CDC42BPA: variants seen among roughly 807,000 people sequenced by gnomAD.
CDC42BPA encodes serine/threonine-protein kinase MRCK alpha.
Under a neutral mutation model 223.5 loss-of-function variants are expected in CDC42BPA, and 80 were observed. The observed-to-expected ratio is 0.36, with a 90% CI of 0.30 to 0.43. CDC42BPA has a LOEUF of 0.43. Ranked by LOEUF, CDC42BPA falls within the 20% of genes least tolerant of loss-of-function variation. The pLI is 1.00. For missense variants in CDC42BPA, 1,743 were observed against 2,099.9 expected (o/e 0.83, Z 3.32); for synonymous variants, 694 against 718.6 (o/e 0.97, Z 0.55).
chr1:227,198,458 G>A (rs28660200), intron 4 of CDC42BPA, among the ~76,000 whole-genome samples: 1,071 of 92,476 alleles, frequency 0.012, no homozygotes, highest in Middle Eastern at 0.037. Flanking sequence ...AAAAAGAAAA[G>A]AAAGAAAGAA....
At chr1:227,201,816 C>T (rs114101972) in intron 3 of CDC42BPA, among the ~76,000 whole-genome samples, 98 of 151,276 alleles carry the variant, frequency 6.5e-4, no homozygotes, top group African/African-American at 2.3e-3. Flanking sequence ...AACATCCTTC[C>T]GTATCAGTAC....
rs147493626 is a variant in CDC42BPA, at chr1:227,130,732, G to A, written c.1391-1501C>T. 5.5e-3 allele frequency among the ~76,000 whole-genome samples: 844 copies of A among 152,250 alleles called. 9 individuals are homozygous for A. The highest frequency in any genetic ancestry group is 0.019 in the African/African-American group (800 of 41,526). ...TAGCCACGCATGGTGGTGCATGCCT[G>A]TAATACCAGCTACTCGGGAGGCTGA... On this transcript the variant is annotated intron_variant, in intron 10 of 36. Coordinates refer to ENST00000366766, the MANE Select transcript of CDC42BPA (RefSeq NM_001394014.1).
rs570442692 is a variant in CDC42BPA, at chr1:226,992,465, C to T, written c.*1803G>A. On this transcript the variant is annotated 3_prime_UTR_variant, in exon 37 of 37. Coordinates refer to ENST00000366766, the MANE Select transcript of CDC42BPA (RefSeq NM_001394014.1). The stretch of plus-strand genomic sequence containing the variant: ...TCTCAGAACCTTCTCCACACAGCAG[C>T]ATCACCTGGAAACAGCCTCAGCTCC... 71 of 152,496 alleles carry T rather than the reference C, an allele frequency of 4.7e-4. No homozygotes were observed. Among genetic ancestry groups the T allele is most frequent in the African/African-American group, 1.7e-3 (69 of 41,576 alleles). The allele number at this position is 152,496 out of a possible 1,614,324, so 9.4% of individuals were successfully genotyped here. A position where few individuals can be genotyped will look rare whatever the true frequency, so the allele number is the denominator to read the frequency against.
intron 6 of CDC42BPA, among the ~76,000 whole-genome samples, chr1:227,152,882 T>A (rs1662039953): frequency 6.6e-6 from 1 of 151,992 alleles, no homozygotes; most frequent in African/African-American, 2.4e-5. Context: ...AAGGGATATA[T>A]CAGGCATATG....
intron 31 of CDC42BPA, among the ~76,000 whole-genome samples, chr1:227,023,650 A>C (rs971862496): frequency 6.6e-6 from 1 of 152,198 alleles, no homozygotes; most frequent in Non-Finnish European, 1.5e-5. Flanking sequence ...AGTTATACTA[A>C]GCAGATATCA....
At position 226,991,008 on chromosome 1, in the gene CDC42BPA, AATAC is replaced by A. The variant is rs1553284170; in HGVS notation, c.*3256_*3259del. ...ACTAAGTGTGTTGGGGATGTGTATA[AATAC>A]ATACATAATAACAAAAAATGTAAGA... On this transcript the variant is annotated 3_prime_UTR_variant, in exon 37 of 37. Coordinates refer to ENST00000366766, the MANE Select transcript of CDC42BPA (RefSeq NM_001394014.1). 5.9e-5 allele frequency: 9 copies of A among 152,608 alleles called. No homozygotes were observed. The highest frequency in any genetic ancestry group is 9.7e-5 in the African/African-American group (4 of 41,436). The allele number at this position is 152,608 out of a possible 1,614,324, so 9.5% of individuals were successfully genotyped here.
Position 227,145,521 on chromosome 1 carries a change from A to T in CDC42BPA, c.1111T>A (p.Phe371Ile). The change falls in exon 8 of 37, where the codon TTT becomes ATT. Residue 371 changes from phenylalanine to isoleucine, a missense_variant. Transcript: ENST00000366766. ...EVSSPTDTSN[F>I]DVDDDCLKNS... is the part of the protein sequence containing the mutation. Reference sequence around the variant, plus strand: ...TTTAAACAATCATCATCTACATCAAAATTCGATGTATCTGTTGGGCTACTA... The same window carrying T: ...TTTAAACAATCATCATCTACATCAATATTCGATGTATCTGTTGGGCTACTA... The T allele has an allele frequency of 6.2e-7, 1 of 1,613,454 alleles. No homozygotes were observed. The highest frequency in any genetic ancestry group is 8.5e-7 in the Non-Finnish European group (1 of 1,179,642).
intron 21 of CDC42BPA, among the ~76,000 whole-genome samples, chr1:227,066,576 T>C (rs942987450): frequency 2.0e-5 from 3 of 152,072 alleles, no homozygotes; most frequent in African/African-American, 7.2e-5. Context: ...ATGATAACTC[T>C]GGGAAGGGAG....
At chr1:227,048,636 G>T (rs6672902) in intron 22 of CDC42BPA, among the ~76,000 whole-genome samples, 19,487 of 150,688 alleles carry the variant, frequency 0.13, 1,333 homozygotes, top group East Asian at 0.26. Flanking sequence ...TGTAAAATAT[G>T]GTCTTCTTTT....
intron 3 of CDC42BPA, among the ~76,000 whole-genome samples, chr1:227,210,723 A>T (rs1007494053): frequency 7.9e-5 from 12 of 152,168 alleles, no homozygotes; most frequent in African/African-American, 2.9e-4. Context: ...AACTGACTAC[A>T]GTTGTTATTT....
intron 25 of CDC42BPA, 37 bp downstream of exon 25, chr1:227,035,434 T>C: frequency 6.6e-7 from 1 of 1,510,472 alleles, no homozygotes; most frequent in Non-Finnish European, 9.0e-7. Context: ...TAATAAATCT[T>C]AAAGGATTAA....
chr1:227,000,032 G>A (rs1662466728), intron 35 of CDC42BPA, among the ~76,000 whole-genome samples: 1 of 151,574 alleles, frequency 6.6e-6, no homozygotes, highest in African/African-American at 2.4e-5. Flanking sequence ...AAACTACCAT[G>A]GCACATGTAT....
intron 32 of CDC42BPA, among the ~76,000 whole-genome samples, chr1:227,017,668 T>C (rs559916903): frequency 9.9e-5 from 15 of 152,282 alleles, no homozygotes; most frequent in Non-Finnish European, 1.6e-4. Context: ...TGTTTAATCA[T>C]ATACACCTAG....
intron 5 of CDC42BPA, among the ~76,000 whole-genome samples, chr1:227,166,145 A>G (rs961302022): frequency 6.6e-6 from 1 of 152,202 alleles, no homozygotes. Flanking sequence ...TATACATTTA[A>G]TAAAGTATGT....
intron 15 of CDC42BPA, among the ~76,000 whole-genome samples, chr1:227,094,383 G>C (rs1038486383): frequency 6.6e-6 from 1 of 152,112 alleles, no homozygotes; most frequent in East Asian, 1.9e-4. Flanking sequence ...TGACTCACAC[G>C]CTATAGTTCA....
chr1:227,125,097 C>T (rs943004246), intron 11 of CDC42BPA, among the ~76,000 whole-genome samples: 20 of 151,752 alleles, frequency 1.3e-4, no homozygotes, highest in African/African-American at 3.6e-4. Flanking sequence ...AGAGAAAAAG[C>T]CCCAACAAAA....
chr1:227,206,049 A>G (rs898583914), intron 3 of CDC42BPA, among the ~76,000 whole-genome samples: 2 of 152,242 alleles, frequency 1.3e-5, no homozygotes, highest in African/African-American at 4.8e-5. Context: ...CTCTGCCTCA[A>G]TAAATAAAAT....
At chr1:227,103,044 G>C (rs1685313409) in intron 14 of CDC42BPA, among the ~76,000 whole-genome samples, 1 of 151,954 alleles carries the variant, frequency 6.6e-6, no homozygotes, top group Non-Finnish European at 1.5e-5. Context: ...TGAAACATCA[G>C]AGATACATCG....
intron 1 of CDC42BPA, among the ~76,000 whole-genome samples, chr1:227,278,028 C>T (rs143532340): frequency 0.06 from 9,116 of 152,258 alleles, 280 homozygotes; most frequent in Non-Finnish European, 0.073. Context: ...GGATTACAGG[C>T]GTGAGCCACC....
Sources: gnomAD v4.1 joint callset for allele counts (sites outside exome capture counted in the v4.1 genomes callset) on GRCh38, gnomAD v4.1.1 for gene constraint, MANE v1.5 for transcripts, NCBI Gene and HGNC (gene_info 2026-07-23, HGNC 2026-07-21) for gene names.